TAFA2: variants seen among roughly 807,000 people sequenced by gnomAD.
The protein encoded by TAFA2 is chemokine-like protein TAFA-2.
A neutral mutation model predicts 18.8 loss-of-function variants in TAFA2; 7 were observed. That is an observed-to-expected ratio of 0.37 (90% CI 0.21 to 0.70). The LOEUF is 0.70. Among genes scored for constraint, TAFA2 ranks in the 30% least tolerant of loss-of-function variants. The pLI, the probability that TAFA2 is intolerant of heterozygous loss-of-function variation, is 0.53. For synonymous variants in TAFA2, 60 were observed against 54.2 expected (o/e 1.11, Z -0.47); for missense variants, 122 against 158.1 (o/e 0.77, Z 1.23).
chr12:61,793,465 A>C (rs573146389), intron 2 of TAFA2, among the ~76,000 whole-genome samples: 17 of 151,754 alleles, frequency 1.1e-4, no homozygotes, highest in Middle Eastern at 3.4e-3. Flanking sequence ...GAAAAAATTA[A>C]AAAGTTGTGC....
chr12:62,109,864 T>G (rs558190606), intron 1 of TAFA2, among the ~76,000 whole-genome samples: 10 of 152,340 alleles, frequency 6.6e-5, no homozygotes, highest in African/African-American at 2.4e-4. Flanking sequence ...TTTATCAGTT[T>G]AAGGAGATTT....
At chr12:61,747,803 C>T (rs920396164) in intron 4 of TAFA2, among the ~76,000 whole-genome samples, 13 of 150,444 alleles carry the variant, frequency 8.6e-5, no homozygotes, top group African/African-American at 2.9e-4. Flanking sequence ...CAGCATGGCA[C>T]GTGTATACAT....
At chr12:62,083,903 C>T (rs1448946207) in intron 1 of TAFA2, among the ~76,000 whole-genome samples, 1 of 151,942 alleles carries the variant, frequency 6.6e-6, no homozygotes, top group Non-Finnish European at 1.5e-5. Flanking sequence ...TGAATTCTTC[C>T]CACACTGCTG....
intron 1 of TAFA2, among the ~76,000 whole-genome samples, chr12:62,050,983 G>A (rs1882037741): frequency 6.6e-6 from 1 of 152,166 alleles, no homozygotes; most frequent in African/African-American, 2.4e-5. Context: ...CCATCGCTCA[G>A]TCTCGAAGAG....
intron 1 of TAFA2, among the ~76,000 whole-genome samples, chr12:62,144,962 G>A (rs939005755): frequency 7.9e-5 from 12 of 152,222 alleles, no homozygotes; most frequent in African/African-American, 2.9e-4. Flanking sequence ...TGTACTTGGT[G>A]AGGTATATGT....
At chr12:61,973,242 T>C (rs1879311366) in intron 1 of TAFA2, among the ~76,000 whole-genome samples, 1 of 151,600 alleles carries the variant, frequency 6.6e-6, no homozygotes, top group Non-Finnish European at 1.5e-5. Context: ...AGATAAGAGC[T>C]CCAAGTGCCC....
intron 2 of TAFA2, among the ~76,000 whole-genome samples, chr12:61,828,483 A>G (rs1260407967): frequency 1.3e-5 from 2 of 151,872 alleles, no homozygotes; most frequent in Admixed American, 6.6e-5. Context: ...CTCATTAGTC[A>G]TGGTAATAAA....
At chr12:61,768,074 A>G (rs1869865160) in intron 2 of TAFA2, among the ~76,000 whole-genome samples, 1 of 152,136 alleles carries the variant, frequency 6.6e-6, no homozygotes, top group African/African-American at 2.4e-5. Context: ...CTGCCTAGTC[A>G]TTCACACATT....
At chr12:61,750,919 T>C (rs1285642359) in intron 4 of TAFA2, among the ~76,000 whole-genome samples, 1 of 152,128 alleles carries the variant, frequency 6.6e-6, no homozygotes, top group Non-Finnish European at 1.5e-5. Context: ...GCCTTTCCAA[T>C]TGTGGCTGGG....
chr12:61,755,928 T>G (rs1252019941), intron 2 of TAFA2, among the ~76,000 whole-genome samples: 9 of 152,098 alleles, frequency 5.9e-5, no homozygotes. Flanking sequence ...CAGCTTAAAA[T>G]CAAACATTTG....
intron 1 of TAFA2, among the ~76,000 whole-genome samples, chr12:62,050,157 A>G (rs1461744047): frequency 6.6e-6 from 1 of 152,160 alleles, no homozygotes; most frequent in African/African-American, 2.4e-5. Flanking sequence ...TTCTATTGTT[A>G]CTACTACTGA....
chr12:61,726,376 A>G (rs1284884048), intron 4 of TAFA2, among the ~76,000 whole-genome samples: 2 of 151,948 alleles, frequency 1.3e-5, no homozygotes, highest in Non-Finnish European at 2.9e-5. Flanking sequence ...GCATGAGATG[A>G]GTTTCTATTT....
intron 2 of TAFA2, among the ~76,000 whole-genome samples, chr12:61,791,779 T>G (rs1321931505): frequency 6.6e-6 from 1 of 151,698 alleles, no homozygotes; most frequent in African/African-American, 2.4e-5. Flanking sequence ...GTATGTAAAT[T>G]AGTATAGTCA....
At chr12:61,753,808 C>T in intron 3 of TAFA2, 62 bp from the exon 4 acceptor site, 3 of 1,450,956 alleles carry the variant, frequency 2.1e-6, no homozygotes, top group East Asian at 2.4e-5. Context: ...CTCTTGTTCA[C>T]CTTTAAAGAG....
At chr12:61,963,425 T>C (rs186883621) in intron 1 of TAFA2, among the ~76,000 whole-genome samples, 178 of 152,198 alleles carry the variant, frequency 1.2e-3, no homozygotes, top group Non-Finnish European at 2.1e-3. Flanking sequence ...GTGGTTTTGA[T>C]TTGCATTTCT....
chr12:62,187,254 A>G lies in TAFA2; in HGVS notation c.-2+4005T>C, dbSNP rs996499218. On this transcript the variant is annotated intron_variant, in intron 1 of 4. Coordinates refer to ENST00000416284, the MANE Select transcript of TAFA2 (RefSeq NM_178539.5). ...TTTTTTTGCATTTGTAGCCTAGTAAATAAAAGTATCTCCAAAAGAAAAATT... is the reference window on the plus strand; with the variant it reads ...TTTTTTTGCATTTGTAGCCTAGTAAGTAAAAGTATCTCCAAAAGAAAAATT... Among the ~76,000 whole-genome samples, 36 of 152,162 alleles carry G rather than the reference A, an allele frequency of 2.4e-4. 1 individual carries two copies. Among genetic ancestry groups the G allele is most frequent in the Admixed American group, 1.3e-3 (20 of 15,274 alleles).
intron 1 of TAFA2, among the ~76,000 whole-genome samples, chr12:62,113,090 T>C (rs11833386): frequency 0.1 from 15,251 of 152,216 alleles, 1,060 homozygotes; most frequent in African/African-American, 0.19. Flanking sequence ...TCAGGCTTTT[T>C]GGGCTGGTTT....
At chr12:62,206,560 C>T (rs907332042) in intron 1 of TAFA2, among the ~76,000 whole-genome samples, 2 of 151,996 alleles carry the variant, frequency 1.3e-5, no homozygotes, top group Non-Finnish European at 2.9e-5. Context: ...CAGGTTCTCA[C>T]TCCTGTCACC....
intron 4 of TAFA2, among the ~76,000 whole-genome samples, chr12:61,738,009 A>G (rs1028692000): frequency 6.6e-6 from 1 of 152,050 alleles, no homozygotes; most frequent in Non-Finnish European, 1.5e-5. Context: ...GTTAAAATGT[A>G]CTGAGGTCCA....
Sources: allele counts gnomAD v4.1 joint callset (sites outside exome capture counted in the v4.1 genomes callset), GRCh38; gene constraint gnomAD v4.1.1; transcripts MANE v1.5; gene names NCBI Gene and HGNC (gene_info 2026-07-23, HGNC 2026-07-21).